Variants in CYP7B1 observed in about 807,000 individuals in gnomAD.
The protein encoded by CYP7B1 is cytochrome P450 family 7 subfamily B member 1, also known as cytochrome P450 7B1.
CYP7B1 carries 29 observed loss-of-function variants against 42.7 expected under a neutral mutation model. The ratio of observed to expected loss-of-function variants is 0.68; its 90% CI spans 0.51 to 0.93. CYP7B1 has a LOEUF of 0.93. Among genes scored for constraint, CYP7B1 ranks in the 40% least tolerant of loss-of-function variants. The probability of loss-of-function intolerance (pLI) is 0.00; values close to 1 mark genes in which losing one functional copy is unlikely to be tolerated. For synonymous variants in CYP7B1, 235 were observed against 218.2 expected (o/e 1.08, Z -0.68); for missense variants, 655 against 600.5 (o/e 1.09, Z -0.95).
At chr8:64,669,850 C>A (rs1806339472) in intron 1 of CYP7B1, among the ~76,000 whole-genome samples, 1 of 152,230 alleles carries the variant, frequency 6.6e-6, no homozygotes, top group African/African-American at 2.4e-5. Flanking sequence ...ATCTCATTAA[C>A]AATTTTGCAT....
chr8:64,720,287 T>C (rs184052371), intron 1 of CYP7B1, among the ~76,000 whole-genome samples: 2 of 152,298 alleles, frequency 1.3e-5, no homozygotes, highest in Admixed American at 6.5e-5. Context: ...AACTGACTTA[T>C]AACTTTGAAG....
At chr8:64,656,171 TAA>T (rs1168246036) in intron 1 of CYP7B1, among the ~76,000 whole-genome samples, 1 of 151,996 alleles carries the variant, frequency 6.6e-6, no homozygotes, top group Non-Finnish European at 1.5e-5. Context: ...AAATAAAAGT[TAA>T]AAAAGACTCG....
Position 64,730,270 on chromosome 8 carries a change from A to C in CYP7B1, c.122+68196T>G, listed in dbSNP as rs140368320. Among the ~76,000 whole-genome samples, 435 of 151,246 alleles carry C rather than the reference A, an allele frequency of 2.9e-3. 2 individuals carry two copies. The highest frequency in any genetic ancestry group is 0.01 in the African/African-American group (423 of 41,150). On this transcript the variant is annotated intron_variant, in intron 1 of 5. Transcript: ENST00000310193. Reference sequence around the variant, plus strand: ...TTTTTAGTGGAGATGGTGTTTCACCATGTTGGCCAGGTTGGTCTCAAACTC... The same window carrying C: ...TTTTTAGTGGAGATGGTGTTTCACCCTGTTGGCCAGGTTGGTCTCAAACTC...
intron 1 of CYP7B1, among the ~76,000 whole-genome samples, chr8:64,796,475 C>T (rs1489273683): frequency 2.6e-5 from 4 of 151,988 alleles, no homozygotes; most frequent in African/African-American, 9.7e-5. Flanking sequence ...TTTATAATAC[C>T]AGTATTGGCA....
At chr8:64,700,086 T>C (rs1806890575) in intron 1 of CYP7B1, among the ~76,000 whole-genome samples, 1 of 152,128 alleles carries the variant, frequency 6.6e-6, no homozygotes, top group African/African-American at 2.4e-5. Context: ...TGTGTGCATA[T>C]ATACTGAGCA....
chr8:64,677,661 G>C (rs1806469070), intron 1 of CYP7B1, among the ~76,000 whole-genome samples: 1 of 146,514 alleles, frequency 6.8e-6, no homozygotes, highest in South Asian at 2.2e-4. Context: ...TATTCCCAAA[G>C]GTAATGTGAT....
At chr8:64,783,047 A>G (rs1026487402) in intron 1 of CYP7B1, among the ~76,000 whole-genome samples, 3 of 152,212 alleles carry the variant, frequency 2.0e-5, no homozygotes, top group Admixed American at 2.0e-4. Flanking sequence ...AGGTGCCTGC[A>G]GATCTCCCTG....
At chr8:64,650,923 A>G (rs1806029000) in intron 1 of CYP7B1, among the ~76,000 whole-genome samples, 1 of 152,222 alleles carries the variant, frequency 6.6e-6, no homozygotes. Flanking sequence ...GGTTGGGCTC[A>G]GACGAGGCAA....
intron 1 of CYP7B1, among the ~76,000 whole-genome samples, chr8:64,705,586 AT>A (rs11359008): frequency 0.29 from 43,696 of 151,552 alleles, 7,528 homozygotes; most frequent in African/African-American, 0.48. Context: ...TTTTTATAAG[AT>A]TTTTTGGGGG....
chr8:64,733,883 T>C (rs562286968), intron 1 of CYP7B1, among the ~76,000 whole-genome samples: 111 of 152,084 alleles, frequency 7.3e-4, no homozygotes, highest in African/African-American at 2.3e-3. Context: ...GGAAGGAGGA[T>C]TGCTTGAGCC....
intron 1 of CYP7B1, among the ~76,000 whole-genome samples, chr8:64,771,045 A>ATTTTTTTTTTTTTTTTT (rs1308107007): frequency 4.9e-5 from 2 of 40,494 alleles, no homozygotes; most frequent in Admixed American, 2.8e-4. Context: ...GGATATCAGC[A>ATTTTTTTTTTTTTTTTT]TCTTTTTTTT....
In CYP7B1 at chr8:64,615,680, G is replaced by C; in HGVS notation, c.850+11C>G. 6.2e-7 allele frequency: 1 copy of C among 1,610,986 alleles called. No individual in the cohort carries two copies. Among genetic ancestry groups the C allele is most frequent in the East Asian group, 2.2e-5 (1 of 44,842 alleles). On this transcript the variant is annotated intron_variant, in intron 3 of 5. Coordinates refer to ENST00000310193, the MANE Select transcript of CYP7B1 (RefSeq NM_004820.5). ...TTTATTTTAGGCAAGTGCTCATTCA[G>C]AAGTTCTTACCTCCTATTTCAAGGT... is the stretch of plus-strand genomic sequence containing the variant.
chr8:64,786,730 A>T (rs1339240638), intron 1 of CYP7B1, among the ~76,000 whole-genome samples: 1 of 152,086 alleles, frequency 6.6e-6, no homozygotes, highest in Non-Finnish European at 1.5e-5. Context: ...CCCAGGAGTG[A>T]CTCTGTGTGG....
intron 1 of CYP7B1, among the ~76,000 whole-genome samples, chr8:64,645,253 T>C (rs1170258522): frequency 4.0e-5 from 6 of 151,570 alleles, no homozygotes; most frequent in South Asian, 4.2e-4. Flanking sequence ...CAGCATGATT[T>C]ATAGTCCTTT....
At chr8:64,681,779 C>G (rs569350616) in intron 1 of CYP7B1, among the ~76,000 whole-genome samples, 3 of 152,272 alleles carry the variant, frequency 2.0e-5, no homozygotes, top group Middle Eastern at 6.8e-3. Flanking sequence ...AGCAACCTCA[C>G]GAGAAACCAG....
At chr8:64,741,878 T>C (rs989371810) in intron 1 of CYP7B1, among the ~76,000 whole-genome samples, 5 of 152,208 alleles carry the variant, frequency 3.3e-5, no homozygotes, top group East Asian at 3.8e-4. Context: ...AGATAAACTA[T>C]GTTCGTTAAT....
At chr8:64,746,961 A>G (rs1372475978) in intron 1 of CYP7B1, among the ~76,000 whole-genome samples, 2 of 151,774 alleles carry the variant, frequency 1.3e-5, no homozygotes, top group East Asian at 3.9e-4. Context: ...CTAAATACAA[A>G]GTATGATTAT....
rs1285149990 is a variant in CYP7B1, at chr8:64,792,677, G to A, written c.122+5789C>T. Among the ~76,000 whole-genome samples the A allele has an allele frequency of 3.9e-5, 6 of 152,260 alleles. 1 individual carries two copies. Among genetic ancestry groups the A allele is most frequent in the Admixed American group, 3.9e-4 (6 of 15,300 alleles). On this transcript the variant is annotated intron_variant, in intron 1 of 5. Transcript: ENST00000310193. ...AGGAGTGAATCTCTGTGACACACAG[G>A]GGAGGCCCACAGAGTTCTTTGGAAT...
intron 3 of CYP7B1, 68 bp downstream of exon 3, chr8:64,615,623 T>C: frequency 6.7e-7 from 1 of 1,489,682 alleles, no homozygotes; most frequent in South Asian, 1.2e-5. Context: ...CGCCATTTTG[T>C]CTTTTTATTT....
Sources: allele counts gnomAD v4.1 joint callset (sites outside exome capture counted in the v4.1 genomes callset), GRCh38; gene constraint gnomAD v4.1.1; transcripts MANE v1.5; gene names NCBI Gene and HGNC (gene_info 2026-07-23, HGNC 2026-07-21).